Variants in NTN4 observed in about 807,000 individuals in gnomAD.
NTN4 encodes the protein netrin-4.
NTN4 carries 32 observed loss-of-function variants against 73.6 expected under a neutral mutation model. The ratio of observed to expected loss-of-function variants is 0.44; its 90% confidence interval spans 0.33 to 0.58. The LOEUF (loss-of-function observed/expected upper bound fraction) is 0.58, where lower values mean the gene tolerates loss of function less well. NTN4 is among the 20% of genes least tolerant of loss of function. The pLI, the probability that NTN4 is intolerant of heterozygous loss-of-function variation, is 0.04. For missense variants in NTN4, 654 were observed against 798.3 expected (o/e 0.82, Z 2.18); for synonymous variants, 258 against 287.5 (o/e 0.90, Z 1.04).
At chr12:95,702,147 A>G (rs929143981) in intron 5 of NTN4, among the ~76,000 whole-genome samples, 1 of 151,776 alleles carries the variant, frequency 6.6e-6, no homozygotes, top group Non-Finnish European at 1.5e-5. Flanking sequence ...GGGTGTGGTG[A>G]CGAGCACCTG....
rs560316244 is a variant in NTN4, at chr12:95,751,917, A to T, written c.586-13773T>A. ...TAAGCACTCCTTTTTAGTTATCCCC[A>T]CCTGCCCAGTTCCCTTATTAGGCTG... On this transcript the variant is annotated intron_variant, in intron 2 of 9. Transcript: ENST00000343702. Among the ~76,000 whole-genome samples, 80 of 140,412 alleles carry T rather than the reference A, an allele frequency of 5.7e-4. 1 individual carries two copies. The South Asian group carries it at 8.5e-3, about 15-fold the overall frequency. The allele number at this position is 140,412 out of a possible 152,430, so 92.1% of individuals were successfully genotyped here.
intron 2 of NTN4, among the ~76,000 whole-genome samples, chr12:95,786,672 GA>G (rs2079169470): frequency 6.6e-6 from 1 of 152,192 alleles, no homozygotes; most frequent in Admixed American, 6.5e-5. Flanking sequence ...GGAGCCTCTA[GA>G]GTGATGATTT....
intron 5 of NTN4, among the ~76,000 whole-genome samples, chr12:95,710,003 A>C (rs1332039247): frequency 6.6e-6 from 1 of 152,222 alleles, no homozygotes; most frequent in African/African-American, 2.4e-5. Flanking sequence ...GGAAACCAAA[A>C]CTAGTCTTTT....
intron 5 of NTN4, among the ~76,000 whole-genome samples, chr12:95,692,510 A>T (rs1022607994): frequency 6.6e-6 from 1 of 152,216 alleles, no homozygotes. Flanking sequence ...ATCTATAGTT[A>T]TATGTTTGCA....
rs1482495197 is a variant in NTN4 at position 95,781,565 on chromosome 12, C to G, written c.585+5374G>C. Among the ~76,000 whole-genome samples, 3 of 152,152 alleles carry G rather than the reference C, an allele frequency of 2.0e-5. No homozygotes were observed. Among genetic ancestry groups the G allele is most frequent in the Non-Finnish European group, 1.5e-5 (1 of 68,026 alleles). On this transcript the variant is annotated intron_variant, in intron 2 of 9. Coordinates refer to ENST00000343702, the MANE Select transcript of NTN4 (RefSeq NM_021229.4). The surrounding 1 kb of genome is among the most constrained non-coding windows in gnomAD (Gnocchi z 4.1). The stretch of plus-strand genomic sequence containing the variant: ...AGCAAACCAATATGGCACACATTTA[C>G]CTATGCAACAAACCTGCACATGCTG...
chr12:95,762,188 CAA>C (rs2078993720), intron 2 of NTN4, among the ~76,000 whole-genome samples: 1 of 151,916 alleles, frequency 6.6e-6, no homozygotes, highest in African/African-American at 2.4e-5. Context: ...TTTTTTCATT[CAA>C]GAGTCTTTAT....
intron 2 of NTN4, among the ~76,000 whole-genome samples, chr12:95,768,110 C>T (rs1296605860): frequency 6.6e-6 from 1 of 152,126 alleles, no homozygotes; most frequent in Non-Finnish European, 1.5e-5. Flanking sequence ...TTTACTTGAG[C>T]AATAGCTATT....
chr12:95,738,982 T>C (rs1399713747), intron 2 of NTN4, among the ~76,000 whole-genome samples: 3 of 152,150 alleles, frequency 2.0e-5, no homozygotes, highest in Non-Finnish European at 2.9e-5. Context: ...AGATGCAAGG[T>C]CCTTATAATG....
intron 2 of NTN4, among the ~76,000 whole-genome samples, chr12:95,780,458 AAAAC>A (rs1482373886): frequency 2.0e-5 from 3 of 152,228 alleles, no homozygotes; most frequent in South Asian, 2.1e-4. Flanking sequence ...TTACCAGAAA[AAAAC>A]AAACAACCCC....
At chr12:95,729,825 A>G (rs2078725104) in intron 3 of NTN4, among the ~76,000 whole-genome samples, 3 of 152,150 alleles carry the variant, frequency 2.0e-5, no homozygotes, top group Non-Finnish European at 4.4e-5. Flanking sequence ...ACACAAATGA[A>G]ATACCATGGA....
chr12:95,667,666 C>T (rs1171018957), intron 8 of NTN4, among the ~76,000 whole-genome samples: 6 of 151,852 alleles, frequency 4.0e-5, no homozygotes, highest in Non-Finnish European at 7.4e-5. Context: ...ACCAGCCTGG[C>T]CAACATACAG....
chr12:95,683,563 G>T lies in NTN4; in HGVS notation c.1329C>A (p.Asp443Glu). 1 of 1,614,218 alleles carries T rather than the reference G, an allele frequency of 6.2e-7. No individual in the cohort carries two copies. Among genetic ancestry groups the T allele is most frequent in the Non-Finnish European group, 8.5e-7 (1 of 1,180,032 alleles). Reference protein sequence around the residue: ...RCMVGYWGFGDYGCRPCDCAG... With the variant: ...RCMVGYWGFGEYGCRPCDCAG... Reference sequence around the variant, plus strand: ...CACAGTCACATGGTCGACAGCCATAGTCTCCGAAGCCCCAGTATCCCACCA... The same window carrying T: ...CACAGTCACATGGTCGACAGCCATATTCTCCGAAGCCCCAGTATCCCACCA... Residue 443 changes from aspartate (D) to glutamate (E), a missense_variant, in exon 6 of 10, where the codon GAC becomes GAA. Asp to Glu is a conservative substitution (Grantham distance 45). Transcript: ENST00000343702.
intron 2 of NTN4, among the ~76,000 whole-genome samples, chr12:95,749,340 T>A (rs1394303170): frequency 6.6e-6 from 1 of 152,202 alleles, no homozygotes; most frequent in Non-Finnish European, 1.5e-5. Context: ...TCCGCTGTAC[T>A]CCTGTTCTTT....
chr12:95,744,383 A>G (rs1009673518), intron 2 of NTN4, among the ~76,000 whole-genome samples: 3 of 152,180 alleles, frequency 2.0e-5, no homozygotes, highest in African/African-American at 7.2e-5. Flanking sequence ...TAACTTAGCT[A>G]TATCTTTATA....
chr12:95,755,282 A>G (rs553220719), intron 2 of NTN4, among the ~76,000 whole-genome samples: 2 of 152,354 alleles, frequency 1.3e-5, no homozygotes, highest in South Asian at 2.1e-4. Flanking sequence ...AGATGAGGAC[A>G]TGTATCCTAG....
intron 2 of NTN4, among the ~76,000 whole-genome samples, chr12:95,740,399 A>G (rs899243380): frequency 1.3e-5 from 2 of 152,164 alleles, no homozygotes; most frequent in Admixed American, 1.3e-4. Flanking sequence ...AAGGAAGGGA[A>G]TGTATCTATA....
At chr12:95,670,252 T>G in intron 7 of NTN4, 106 bp from the exon 8 acceptor site, 1 of 598,116 alleles carries the variant, frequency 1.7e-6, no homozygotes, top group Non-Finnish European at 2.9e-6. Flanking sequence ...AAGCCTTGAG[T>G]GATGCATACA....
Position 95,710,438 on chromosome 12 carries a change from T to TA in NTN4, c.1180+2dup, listed in dbSNP as rs894987270. On this transcript the variant is annotated splice_region_variant and intron_variant, in intron 5 of 9. Transcript: ENST00000343702. ...TATTTTCTGGAAACCACAGGTTACTTACGTTTGCAAGCATCTGGAGCTGAG... is the reference window on the plus strand; with the variant it reads ...TATTTTCTGGAAACCACAGGTTACTTAACGTTTGCAAGCATCTGGAGCTGAG... The TA allele has an allele frequency of 1.2e-6, 2 of 1,610,236 alleles. No homozygotes were observed. The highest frequency in any genetic ancestry group is 1.7e-6 in the Non-Finnish European group (2 of 1,177,700).
At chr12:95,679,145 C>T (rs754958573) in intron 7 of NTN4, among the ~76,000 whole-genome samples, 2 of 152,110 alleles carry the variant, frequency 1.3e-5, no homozygotes, top group Admixed American at 1.3e-4. Context: ...ATAAAAATCC[C>T]AACAGAGCCT....
Sources: allele counts gnomAD v4.1 joint callset (sites outside exome capture counted in the v4.1 genomes callset), GRCh38; gene constraint gnomAD v4.1.1; non-coding constraint Gnocchi (gnomAD v3.1); transcripts MANE v1.5; gene names NCBI Gene and HGNC (gene_info 2026-07-23, HGNC 2026-07-21).